Variants in ANKRD6 observed in about 807,000 individuals in gnomAD.
The protein encoded by ANKRD6 is ankyrin repeat domain-containing protein 6.
A neutral mutation model predicts 82.3 loss-of-function variants in ANKRD6; 56 were observed. The ratio of observed to expected loss-of-function variants is 0.68; its 90% CI spans 0.55 to 0.85. The LOEUF (loss-of-function observed/expected upper bound fraction) is 0.85, where lower values mean the gene tolerates loss of function less well. Ranked by LOEUF, ANKRD6 falls within the 40% of genes least tolerant of loss-of-function variation. The probability of loss-of-function intolerance (pLI) is 0.00; values close to 1 mark genes in which losing one functional copy is unlikely to be tolerated. For synonymous variants in ANKRD6, 347 were observed against 352.1 expected, an observed-to-expected ratio of 0.99 and a Z score of 0.16; for missense variants, 852 against 907.6, an observed-to-expected ratio of 0.94 and a Z score of 0.79.
At chr6:89,455,752 G>T (rs1464261545) in intron 1 of ANKRD6, among the ~76,000 whole-genome samples, 1 of 152,060 alleles carries the variant, frequency 6.6e-6, no homozygotes, top group East Asian at 1.9e-4. Context: ...TGCTATAATT[G>T]TAAGTTTCCT....
chr6:89,436,895 G>T (rs1309995479), intron 1 of ANKRD6, among the ~76,000 whole-genome samples: 1 of 152,174 alleles, frequency 6.6e-6, no homozygotes, highest in Non-Finnish European at 1.5e-5. Flanking sequence ...AGAGATGGAA[G>T]AAATAGCTAT....
chr6:89,612,815 G>A (rs746444756), intron 6 of ANKRD6, among the ~76,000 whole-genome samples: 3 of 152,202 alleles, frequency 2.0e-5, no homozygotes, highest in African/African-American at 4.8e-5. Context: ...TGACTGAGGC[G>A]TCCTTGGGAT....
intron 1 of ANKRD6, among the ~76,000 whole-genome samples, chr6:89,436,674 T>C (rs1770675981): frequency 6.6e-6 from 1 of 152,190 alleles, no homozygotes; most frequent in African/African-American, 2.4e-5. Flanking sequence ...GAGGACAGAA[T>C]AGGGAATTCA....
At chr6:89,557,913 G>A (rs762493446) in intron 1 of ANKRD6, among the ~76,000 whole-genome samples, 2 of 151,994 alleles carry the variant, frequency 1.3e-5, no homozygotes, top group Non-Finnish European at 2.9e-5. Context: ...ACCCCCATAT[G>A]GAACTATCTA....
At chr6:89,616,475 G>C (rs767714260) in intron 7 of ANKRD6, 84 bp from the exon 8 acceptor site, 5 of 1,300,524 alleles carry the variant, frequency 3.8e-6, no homozygotes, top group African/African-American at 1.5e-5. Context: ...ACTTTGAAGA[G>C]CCACACCTAG....
intron 4 of ANKRD6, among the ~76,000 whole-genome samples, chr6:89,604,737 C>T (rs974658136): frequency 2.6e-5 from 4 of 152,098 alleles, no homozygotes; most frequent in African/African-American, 7.2e-5. Context: ...TCCCACTGCC[C>T]GGGCCACACA....
intron 1 of ANKRD6, among the ~76,000 whole-genome samples, chr6:89,564,251 TG>T (rs942218584): frequency 2.6e-5 from 4 of 152,042 alleles, no homozygotes; most frequent in Non-Finnish European, 5.9e-5. Flanking sequence ...GGCTGCTCTG[TG>T]GGTGCTTTGG....
intron 1 of ANKRD6, among the ~76,000 whole-genome samples, chr6:89,499,575 A>G (rs1417670069): frequency 6.6e-6 from 1 of 152,000 alleles, no homozygotes; most frequent in South Asian, 2.1e-4. Context: ...GGAGGGTGCT[A>G]CTGTTATTTA....
At chr6:89,562,860 C>A (rs551067520) in intron 1 of ANKRD6, 1 of 152,324 alleles carries the variant, frequency 6.6e-6, no homozygotes, top group African/African-American at 2.4e-5. Flanking sequence ...TATCCAGAAA[C>A]TGAACACGAT....
intron 1 of ANKRD6, among the ~76,000 whole-genome samples, chr6:89,454,965 C>T (rs1349957570): frequency 1.3e-5 from 2 of 151,990 alleles, no homozygotes; most frequent in African/African-American, 2.4e-5. Context: ...CTCAGCCTCC[C>T]GAGTAGCTGG....
At chr6:89,475,274 G>A (rs1775912936) in intron 1 of ANKRD6, among the ~76,000 whole-genome samples, 1 of 152,152 alleles carries the variant, frequency 6.6e-6, no homozygotes, top group Non-Finnish European at 1.5e-5. Context: ...TCTTACTTAA[G>A]CAAAAATATC....
At chr6:89,515,965 C>T (rs1781164541) in intron 1 of ANKRD6, among the ~76,000 whole-genome samples, 1 of 152,204 alleles carries the variant, frequency 6.6e-6, no homozygotes, top group African/African-American at 2.4e-5. Context: ...TCTGCAGCCA[C>T]AAGAAGCTAA....
chr6:89,592,227 G>C (rs1795046209), intron 2 of ANKRD6, among the ~76,000 whole-genome samples: 1 of 152,190 alleles, frequency 6.6e-6, no homozygotes, highest in Admixed American at 6.5e-5. Flanking sequence ...ATATCTCACT[G>C]GTCTTTGCGA....
At chr6:89,509,245 A>C (rs1780250787) in intron 1 of ANKRD6, 1 of 152,262 alleles carries the variant, frequency 6.6e-6, no homozygotes, top group African/African-American at 2.4e-5. Flanking sequence ...ACCTTTCTGA[A>C]CCAGGTAGGG....
intron 2 of ANKRD6, among the ~76,000 whole-genome samples, chr6:89,579,688 C>T (rs894804815): frequency 5.5e-5 from 7 of 126,856 alleles, no homozygotes; most frequent in African/African-American, 2.1e-4. Context: ...ACCCAGGAGG[C>T]GGAAGCTGCA....
At chr6:89,475,961 G>C (rs926659944) in intron 1 of ANKRD6, among the ~76,000 whole-genome samples, 2 of 152,136 alleles carry the variant, frequency 1.3e-5, no homozygotes, top group African/African-American at 2.4e-5. Flanking sequence ...ATGGCTATAA[G>C]CTGTTTTAGA....
chr6:89,441,985 G>A (rs912477390), intron 1 of ANKRD6, among the ~76,000 whole-genome samples: 2 of 151,628 alleles, frequency 1.3e-5, no homozygotes, highest in African/African-American at 4.8e-5. Flanking sequence ...TTGGGTTACA[G>A]CTTGGTTTTA....
At chr6:89,604,707 C>T (rs1008224978) in intron 4 of ANKRD6, among the ~76,000 whole-genome samples, 1 of 152,164 alleles carries the variant, frequency 6.6e-6, no homozygotes, top group African/African-American at 2.4e-5. Flanking sequence ...TTTCCTTTGG[C>T]TTCCTCCTTC....
intron 1 of ANKRD6, among the ~76,000 whole-genome samples, chr6:89,470,739 A>G (rs143851597): frequency 1.3e-4 from 20 of 152,040 alleles, no homozygotes; most frequent in Admixed American, 4.6e-4. Flanking sequence ...AACATCTTTT[A>G]TAGCTATCTT....
Sources: gnomAD v4.1 joint callset for allele counts (sites outside exome capture counted in the v4.1 genomes callset) on GRCh38, gnomAD v4.1.1 for gene constraint, MANE v1.5 for transcripts, NCBI Gene and HGNC (gene_info 2026-07-23, HGNC 2026-07-21) for gene names.